FGFR1: variants seen among roughly 807,000 people sequenced by gnomAD.
FGFR1 encodes the protein FGFR1/PLAG1 fusion.
A neutral mutation model predicts 93.7 loss-of-function variants in FGFR1; 18 were observed. That is an observed-to-expected ratio of 0.19 (90% CI 0.13 to 0.28). The LOEUF (loss-of-function observed/expected upper bound fraction) is 0.28, where lower values mean the gene tolerates loss of function less well. Among genes scored for constraint, FGFR1 ranks in the 10% least tolerant of loss-of-function variants. FGFR1 has a pLI of 1.00. For missense variants in FGFR1, 731 were observed against 1,080.4 expected, an observed-to-expected ratio of 0.68 and a Z score of 4.53; for synonymous variants, 448 against 429.3, an observed-to-expected ratio of 1.04 and a Z score of -0.54.
chr8:38,427,287 G>A (rs780383040), intron 5 of FGFR1, among the ~76,000 whole-genome samples: 1 of 152,032 alleles, frequency 6.6e-6, no homozygotes, highest in Non-Finnish European at 1.5e-5. Flanking sequence ...GACTTTTTCT[G>A]TTGTTTTTTG....
Position 38,415,916 on chromosome 8 carries a change from C to G in FGFR1, c.1808G>C (p.Cys603Ser), listed in dbSNP as rs1424914793. 2 of 1,613,918 alleles carry G rather than the reference C, an allele frequency of 1.2e-6. No individual in the cohort carries two copies. Among genetic ancestry groups the G allele is most frequent in the Admixed American group, 1.7e-5 (1 of 60,004 alleles). ...CATGCCTCGGGCCACCTGGTAGGCG[C>G]AGGACACCAGGTCCTTGGAGGAGAG... ...EQLSSKDLVS[C>S]AYQVARGMEY... Residue 603 changes from cysteine to serine, a missense_variant, in exon 13 of 18, where the codon TGC becomes TCC. Cys to Ser is a moderately radical substitution (Grantham distance 112). This residue lies in a region of FGFR1 where 39 missense variants were observed against 39.2 expected (regional missense o/e 1.00). Transcript: ENST00000447712.
At chr8:38,417,260 A>T (rs1817001617) in intron 12 of FGFR1, 46 bp downstream of exon 12, 2 of 1,484,494 alleles carry the variant, frequency 1.3e-6, no homozygotes, top group Non-Finnish European at 1.9e-6. Context: ...CCCAGCTCAG[A>T]TCTTCTCCCC....
At chr8:38,460,897 GAC>G (rs1349707890) in intron 1 of FGFR1, among the ~76,000 whole-genome samples, 1 of 152,068 alleles carries the variant, frequency 6.6e-6, no homozygotes, top group Non-Finnish European at 1.5e-5. Context: ...TTCACTGCTT[GAC>G]AGATAGATGT....
chr8:38,454,411 C>T (rs1321837961), intron 2 of FGFR1, among the ~76,000 whole-genome samples: 1 of 152,200 alleles, frequency 6.6e-6, no homozygotes, highest in Non-Finnish European at 1.5e-5. Context: ...CTACAATTGG[C>T]GGATTCAAAT....
In FGFR1 at chr8:38,414,016, T is replaced by A. The variant is rs2150523801; in HGVS notation, c.2194A>T (p.Met732Leu). Residue 732 changes from methionine (M) to leucine (L), a missense_variant, in exon 17 of 18, where the codon ATG becomes TTG. Physicochemically the swap from Met to Leu is conservative, Grantham distance 15 (BLOSUM62 2). This residue lies in a region of FGFR1 where 35 missense variants were observed against 78.0 expected (regional missense o/e 0.45). Transcript: ENST00000447712. ...ACTGCATGCCAGCAGTCCCGCATCATCATGTACCTGCGGCAGGACTGTAAG... is the reference window on the plus strand; with the variant it reads ...ACTGCATGCCAGCAGTCCCGCATCAACATGTACCTGCGGCAGGACTGTAAG... ...PSNCTNELYMMMRDCWHAVPS... is the reference protein window; with the variant it reads ...PSNCTNELYMLMRDCWHAVPS... The A allele has an allele frequency of 6.2e-7, 1 of 1,614,038 alleles. No individual in the cohort carries two copies. Among genetic ancestry groups the A allele is most frequent in the Non-Finnish European group, 8.5e-7 (1 of 1,179,972 alleles).
At position 38,457,474 on chromosome 8, in the gene FGFR1, C is replaced by T. The variant is rs2151349614; in HGVS notation, c.-28G>A. 6.2e-7 allele frequency: 1 copy of T among 1,613,562 alleles called. No homozygotes were observed. Among genetic ancestry groups the T allele is most frequent in the South Asian group, 1.1e-5 (1 of 90,972 alleles). ...CAGTTCTGCAGTTAGAGGTTGGTGA[C>T]AAGGCTCCACATCTCCATGGATACT... On this transcript the variant is annotated 5_prime_UTR_variant, in exon 2 of 18. Coordinates refer to ENST00000447712, the MANE Select transcript of FGFR1 (RefSeq NM_023110.3).
chr8:38,448,532 A>G (rs1024615585), intron 2 of FGFR1, among the ~76,000 whole-genome samples: 1 of 152,222 alleles, frequency 6.6e-6, no homozygotes, highest in Non-Finnish European at 1.5e-5. Context: ...CAGCCTAAAC[A>G]CTAATGTTTT....
intron 8 of FGFR1, chr8:38,421,556 AG>A: frequency 1.7e-6 from 1 of 582,352 alleles, no homozygotes; most frequent in Admixed American, 2.8e-5. Context: ...TGCAATGGCC[AG>A]GGGGAGAGCA....
At chr8:38,431,843 G>A (rs1387307684) in intron 2 of FGFR1, among the ~76,000 whole-genome samples, 2 of 152,232 alleles carry the variant, frequency 1.3e-5, no homozygotes, top group African/African-American at 4.8e-5. Context: ...TTAAAAATAA[G>A]CTTTTGTGGG....
chr8:38,466,174 A>G, intron 1 of FGFR1: 1 of 232,436 alleles, frequency 4.3e-6, no homozygotes, highest in Non-Finnish European at 8.5e-6. Flanking sequence ...GATGCGGCCC[A>G]AATCAGTCCT....
At chr8:38,452,025 G>A (rs1361600379) in intron 2 of FGFR1, among the ~76,000 whole-genome samples, 2 of 152,118 alleles carry the variant, frequency 1.3e-5, no homozygotes, top group South Asian at 2.1e-4. Context: ...CAAAGGAGGG[G>A]AAGGAGAGGG....
chr8:38,455,297 T>G (rs1233611385), intron 2 of FGFR1, among the ~76,000 whole-genome samples: 6 of 152,182 alleles, frequency 3.9e-5, no homozygotes, highest in Non-Finnish European at 8.8e-5. Context: ...TTTTTCTTTT[T>G]TGAGACGGAG....
chr8:38,415,781 C>A (rs1816311444), intron 13 of FGFR1, 89 bp downstream of exon 13: 1 of 1,341,550 alleles, frequency 7.5e-7, no homozygotes, highest in African/African-American at 1.4e-5. Flanking sequence ...TCCACAACGC[C>A]ACCACAAGAT....
At chr8:38,460,271 G>A (rs1834069305) in intron 1 of FGFR1, among the ~76,000 whole-genome samples, 1 of 152,206 alleles carries the variant, frequency 6.6e-6, no homozygotes, top group African/African-American at 2.4e-5. Flanking sequence ...CCAGAGCTGG[G>A]ATAGAAGCAG....
chr8:38,416,130 C>A, intron 12 of FGFR1, 70 bp from the exon 13 acceptor site: 4 of 1,391,466 alleles, frequency 2.9e-6, no homozygotes, highest in Non-Finnish European at 4.0e-6. Context: ...CTCAAAGAAA[C>A]CCCACCCCCA....
intron 2 of FGFR1, among the ~76,000 whole-genome samples, chr8:38,448,439 C>A (rs896933368): frequency 6.6e-6 from 1 of 152,190 alleles, no homozygotes; most frequent in Non-Finnish European, 1.5e-5. Flanking sequence ...GCCACCACAC[C>A]TGGCCAATTT....
intron 1 of FGFR1, among the ~76,000 whole-genome samples, chr8:38,464,586 A>G (rs1835124734): frequency 1.3e-5 from 2 of 152,188 alleles, no homozygotes; most frequent in African/African-American, 4.8e-5. Flanking sequence ...CCCAAGTCTG[A>G]CATTTCATCC....
intron 2 of FGFR1, among the ~76,000 whole-genome samples, chr8:38,433,871 T>A (rs1362099343): frequency 6.6e-6 from 1 of 152,194 alleles, no homozygotes; most frequent in Non-Finnish European, 1.5e-5. Flanking sequence ...CTTTAGAACA[T>A]TTTTACCATC....
intron 2 of FGFR1, among the ~76,000 whole-genome samples, chr8:38,447,774 C>T (rs920847849): frequency 2.0e-5 from 3 of 152,146 alleles, no homozygotes; most frequent in Non-Finnish European, 4.4e-5. Flanking sequence ...AGCAACTGCA[C>T]CCGGCTGGTA....
Sources: gnomAD v4.1 joint callset for allele counts (sites outside exome capture counted in the v4.1 genomes callset) on GRCh38, gnomAD v4.1.1 for gene constraint, gnomAD v4.1.1 regional missense constraint, MANE v1.5 for transcripts, NCBI Gene and HGNC (gene_info 2026-07-23, HGNC 2026-07-21) for gene names.